TERB1: variants seen among roughly 807,000 people sequenced by gnomAD.
TERB1 encodes telomere repeats-binding bouquet formation protein 1.
TERB1 carries 63 observed loss-of-function variants against 92.3 expected under a neutral mutation model. That is an observed-to-expected ratio of 0.68 (90% CI 0.56 to 0.84). TERB1 has a LOEUF of 0.84. Among genes scored for constraint, TERB1 ranks in the 40% least tolerant of loss-of-function variants. The pLI, the probability that TERB1 is intolerant of heterozygous loss-of-function variation, is 0.00. For synonymous variants in TERB1, 252 were observed against 283.9 expected, an observed-to-expected ratio of 0.89 and a Z score of 1.13; for missense variants, 709 against 843.7, an observed-to-expected ratio of 0.84 and a Z score of 1.98.
intron 12 of TERB1, among the ~76,000 whole-genome samples, chr16:66,774,582 CATAAA>C (rs1309262016): frequency 6.6e-6 from 1 of 152,048 alleles, no homozygotes; most frequent in East Asian, 1.9e-4. Flanking sequence ...GTGCACACGG[CATAAA>C]ATAGTGAATT....
At chr16:66,792,078 C>T (rs1014926971) in intron 3 of TERB1, among the ~76,000 whole-genome samples, 1 of 152,034 alleles carries the variant, frequency 6.6e-6, no homozygotes, top group African/African-American at 2.4e-5. Flanking sequence ...AATAAAAATA[C>T]ATCACGACTA....
intron 6 of TERB1, among the ~76,000 whole-genome samples, chr16:66,787,228 A>T (rs2018743754): frequency 6.6e-6 from 1 of 151,516 alleles, no homozygotes; most frequent in East Asian, 1.9e-4. Flanking sequence ...CCTCCCAAGT[A>T]GCTGGTAGTA....
chr16:66,763,395 GA>G (rs1180186966), intron 16 of TERB1, among the ~76,000 whole-genome samples: 2 of 152,168 alleles, frequency 1.3e-5, no homozygotes, highest in East Asian at 3.8e-4. Flanking sequence ...AAGTTTTGCT[GA>G]TTGCATCCTA....
At chr16:66,794,657 T>G (rs1012289427) in intron 3 of TERB1, among the ~76,000 whole-genome samples, 3 of 151,318 alleles carry the variant, frequency 2.0e-5, no homozygotes, top group Non-Finnish European at 4.4e-5. Context: ...ACGCCTGTAA[T>G]CCCAGCACTT....
rs1445110744 is a variant in TERB1 at position 66,769,125 on chromosome 16, A to G, written c.1619+838T>C. On this transcript the variant is annotated intron_variant, in intron 14 of 18. Transcript: ENST00000433154. ...TCTCAAAAAAAAAAAGAAAAAGAAAAAGAAAAAAGAAAAAGAAATATGGCT... is the reference window on the plus strand; with the variant it reads ...TCTCAAAAAAAAAAAGAAAAAGAAAGAGAAAAAAGAAAAAGAAATATGGCT... Among the ~76,000 whole-genome samples, 9 of 151,862 alleles carry G rather than the reference A, an allele frequency of 5.9e-5. No homozygotes were observed. The South Asian group carries it at 1.9e-3, about 32-fold the overall frequency.
chr16:66,773,778 T>C (rs1160176767), intron 12 of TERB1, among the ~76,000 whole-genome samples: 2 of 152,244 alleles, frequency 1.3e-5, no homozygotes, highest in African/African-American at 2.4e-5. Flanking sequence ...TGTCTATTTC[T>C]GTAGTTAAAA....
rs1339536127 is a variant in TERB1, at chr16:66,775,271, G to GT, written c.986-29dup. 4.6e-6 allele frequency: 7 copies of GT among 1,529,816 alleles called. No individual in the cohort carries two copies. The East Asian group carries it at 7.4e-5, about 16-fold the overall frequency. 94.8% of individuals were successfully genotyped at this position (1,529,816 alleles called of 1,614,324 possible). ...GGAAAACATAAACAAAGAGGACAAT[G>GT]TTTTTTATCATAAACTATCTATATG... is the stretch of plus-strand genomic sequence containing the variant. On this transcript the variant is annotated intron_variant, in intron 11 of 18. Coordinates refer to ENST00000433154, the MANE Select transcript of TERB1 (RefSeq NM_001136505.2).
intron 6 of TERB1, among the ~76,000 whole-genome samples, chr16:66,786,998 A>C (rs1050087684): frequency 6.6e-6 from 1 of 152,126 alleles, no homozygotes; most frequent in Non-Finnish European, 1.5e-5. Flanking sequence ...GCTGGTACTG[A>C]ATATGGTCGT....
At chr16:66,796,645 A>C in intron 3 of TERB1, 123 bp downstream of exon 3, 1 of 679,064 alleles carries the variant, frequency 1.5e-6, no homozygotes, top group Non-Finnish European at 2.5e-6. Context: ...GGCACAGAGT[A>C]GTGCTCAATA....
At chr16:66,776,228 C>T (rs2018546003) in intron 11 of TERB1, among the ~76,000 whole-genome samples, 1 of 150,810 alleles carries the variant, frequency 6.6e-6, no homozygotes. Context: ...ACTCGGGAGG[C>T]TGAGACAGGA....
intron 3 of TERB1, among the ~76,000 whole-genome samples, chr16:66,793,992 T>C (rs902708337): frequency 2.0e-5 from 3 of 152,230 alleles, no homozygotes; most frequent in Non-Finnish European, 4.4e-5. Flanking sequence ...AGTTTGACTA[T>C]GGATACCAAT....
intron 11 of TERB1, among the ~76,000 whole-genome samples, chr16:66,775,759 G>A (rs1279428184): frequency 7.3e-6 from 1 of 137,470 alleles, no homozygotes; most frequent in African/African-American, 2.8e-5. Context: ...CACCCTGACT[G>A]GAGTGCAGTG....
At chr16:66,755,462 T>G (rs779053168) in intron 18 of TERB1, among the ~76,000 whole-genome samples, 1 of 152,232 alleles carries the variant, frequency 6.6e-6, no homozygotes, top group South Asian at 2.1e-4. Flanking sequence ...AATTCAACAT[T>G]CCTGTGAGGA....
At position 66,761,623 on chromosome 16, in the gene TERB1, C is replaced by T. The variant is rs531267784; in HGVS notation, c.1781-2333G>A. 3.3e-5 allele frequency among the ~76,000 whole-genome samples: 5 copies of T among 149,596 alleles called. No homozygotes were observed. In the South Asian group the frequency reaches 1.1e-3, roughly 32 times the overall value. ...CTGGGCAACATAGTGAGACCCTGTC[C>T]CTACCAAAAAAAATATTAGCCGGGT... On this transcript the variant is annotated intron_variant, in intron 16 of 18. Transcript: ENST00000433154.
chr16:66,794,172 G>T (rs1235896890), intron 3 of TERB1, among the ~76,000 whole-genome samples: 1 of 151,522 alleles, frequency 6.6e-6, no homozygotes, highest in Non-Finnish European at 1.5e-5. Context: ...CAATCACAGG[G>T]CACTGTAGCC....
intron 5 of TERB1, among the ~76,000 whole-genome samples, chr16:66,788,631 A>G (rs1327391883): frequency 2.0e-5 from 3 of 152,094 alleles, no homozygotes; most frequent in Admixed American, 6.5e-5. Flanking sequence ...AACAAAACAT[A>G]GCAAGAAAAA....
At chr16:66,783,508 A>G (rs546117532) in intron 9 of TERB1, among the ~76,000 whole-genome samples, 1 of 152,328 alleles carries the variant, frequency 6.6e-6, no homozygotes, top group East Asian at 1.9e-4. Flanking sequence ...ATGTTCATAG[A>G]GCTATTAGCC....
intron 16 of TERB1, among the ~76,000 whole-genome samples, chr16:66,763,826 T>C (rs188564189): frequency 2.0e-5 from 3 of 152,304 alleles, no homozygotes; most frequent in African/African-American, 4.8e-5. Context: ...CTCCATCAGT[T>C]TGTCACCTAA....
chr16:66,777,584 A>T (rs2018569396), intron 10 of TERB1, among the ~76,000 whole-genome samples: 1 of 152,212 alleles, frequency 6.6e-6, no homozygotes, highest in Non-Finnish European at 1.5e-5. Context: ...AAGACATATT[A>T]CTAAAGCAAA....
Sources: gnomAD v4.1 joint callset for allele counts (sites outside exome capture counted in the v4.1 genomes callset) on GRCh38, gnomAD v4.1.1 for gene constraint, MANE v1.5 for transcripts, NCBI Gene and HGNC (gene_info 2026-07-23, HGNC 2026-07-21) for gene names.